The following ARAP2 variants were observed in gnomAD, a reference collection of about 807,000 sequenced individuals.
The protein encoded by ARAP2 is ArfGAP with RhoGAP domain, ankyrin repeat and PH domain 2.
Under a neutral mutation model 194.5 loss-of-function variants are expected in ARAP2, and 148 were observed. The observed-to-expected ratio is 0.76, with a 90% confidence interval of 0.67 to 0.87. The LOEUF is 0.87. ARAP2 is among the 40% of genes least tolerant of loss of function. The pLI, the probability that ARAP2 is intolerant of heterozygous loss-of-function variation, is 0.00. For missense variants in ARAP2, 2,128 were observed against 1,989.7 expected (o/e 1.07, Z -1.32); for synonymous variants, 695 against 683.5 (o/e 1.02, Z -0.26).
At chr4:36,218,417 C>T (rs1748455854) in intron 2 of ARAP2, among the ~76,000 whole-genome samples, 1 of 151,972 alleles carries the variant, frequency 6.6e-6, no homozygotes, top group African/African-American at 2.4e-5. Context: ...CAACCCAGCA[C>T]ATGTACCCTA....
chr4:36,141,111 G>A (rs1440253740), intron 19 of ARAP2, among the ~76,000 whole-genome samples: 1 of 151,644 alleles, frequency 6.6e-6, no homozygotes, highest in Non-Finnish European at 1.5e-5. Context: ...CTCAAATTTT[G>A]AGAAAAAGAT....
intron 1 of ARAP2, among the ~76,000 whole-genome samples, chr4:36,233,810 T>C (rs1252649861): frequency 2.6e-5 from 4 of 152,240 alleles, no homozygotes; most frequent in African/African-American, 9.6e-5. Flanking sequence ...ACTATAGTCA[T>C]TCTGTCCCCA....
intron 26 of ARAP2, among the ~76,000 whole-genome samples, 166 bp from the exon 27 acceptor site, chr4:36,107,859 A>C (rs1718832143): frequency 6.6e-6 from 1 of 152,008 alleles, no homozygotes; most frequent in Non-Finnish European, 1.5e-5. Context: ...GACTATGTAA[A>C]AGATATCCTA....
At chr4:36,235,542 C>T (rs1752275113) in intron 1 of ARAP2, among the ~76,000 whole-genome samples, 2 of 152,226 alleles carry the variant, frequency 1.3e-5, no homozygotes, top group African/African-American at 4.8e-5. Flanking sequence ...CTCACCATCC[C>T]TTATCCTTGC....
intron 9 of ARAP2, among the ~76,000 whole-genome samples, chr4:36,173,235 G>A (rs932997219): frequency 9.2e-5 from 14 of 152,058 alleles, no homozygotes; most frequent in African/African-American, 1.4e-4. Flanking sequence ...GGAAACCAAC[G>A]CCAATTGTCT....
At chr4:36,027,842 T>G (rs924657070) in intron 5 of ARAP2, among the ~76,000 whole-genome samples, 1 of 152,020 alleles carries the variant, frequency 6.6e-6, no homozygotes, top group African/African-American at 2.4e-5. Flanking sequence ...TGATTAAGAG[T>G]TTCAAGATGG....
rs553046515 is a variant in ARAP2, at chr4:36,155,792, C to T, written c.2752+2938G>A. On this transcript the variant is annotated intron_variant, in intron 15 of 32. Transcript: ENST00000303965. Reference sequence around the variant, plus strand: ...ATTCTCCTAAAAAGGTCTTTTAGGTCACAATAAAAAATAAGGTTATATTCT... The same window carrying T: ...ATTCTCCTAAAAAGGTCTTTTAGGTTACAATAAAAAATAAGGTTATATTCT... Among the ~76,000 whole-genome samples, 9 of 151,622 alleles carry T rather than the reference C, an allele frequency of 5.9e-5. No homozygotes were observed. In the South Asian group the frequency reaches 6.3e-4, roughly 11 times the overall value.
chr4:36,147,941 C>T (rs760086272), intron 17 of ARAP2, among the ~76,000 whole-genome samples, 195 bp from the exon 18 acceptor site: 10 of 152,216 alleles, frequency 6.6e-5, no homozygotes, highest in Non-Finnish European at 1.2e-4. Context: ...TTTCAAATGG[C>T]AGCATCTTAA....
rs879760470 is a variant in ARAP2, at chr4:36,014,289, GA to G, written n.1056+1096del. 9.4e-4 allele frequency among the ~76,000 whole-genome samples: 125 copies of G among 132,942 alleles called. 3 individuals are homozygous for G. Among genetic ancestry groups the G allele is most frequent in the African/African-American group, 3.1e-3 (112 of 36,282 alleles). The allele number at this position is 132,942 out of a possible 152,430, so 87.2% of individuals were successfully genotyped here. On this transcript the variant is annotated intron_variant and non_coding_transcript_variant, in intron 8 of 12. Coordinates refer to the ARAP2 transcript ENST00000503225. ...AGAAAGAAAGAAAGAAAGAAAGAAA[GA>G]AAGAAAGAAGAGAAGGAAGGAAAGA...
At chr4:36,020,819 A>G (rs1716803452) in intron 5 of ARAP2, among the ~76,000 whole-genome samples, 1 of 152,338 alleles carries the variant, frequency 6.6e-6, no homozygotes, top group South Asian at 2.1e-4. Flanking sequence ...ATGAAGATCA[A>G]TAAGTGGCTG....
rs373488557 is a variant in ARAP2 at position 36,226,091 on chromosome 4, C to T, written c.905+2491G>A. Reference sequence around the variant, plus strand: ...TCTGAGCACCACAAAAGCAATGCTGCTATTAACTACCATAATCAAAGAAAA... The same window carrying T: ...TCTGAGCACCACAAAAGCAATGCTGTTATTAACTACCATAATCAAAGAAAA... On this transcript the variant is annotated intron_variant, in intron 2 of 32. Transcript: ENST00000303965. 3.2e-4 allele frequency among the ~76,000 whole-genome samples: 49 copies of T among 151,978 alleles called. No individual in the cohort carries two copies. The East Asian group carries it at 5.2e-3, about 16-fold the overall frequency.
chr4:36,216,700 T>C (rs1429350198), intron 2 of ARAP2, among the ~76,000 whole-genome samples: 1 of 151,928 alleles, frequency 6.6e-6, no homozygotes, highest in East Asian at 1.9e-4. Context: ...TAGTGGTGTA[T>C]GGATCCAAGA....
rs768020858 is a variant in ARAP2 at position 36,147,676 on chromosome 4, T to C, written c.3071A>G (p.Lys1024Arg). Residue 1024 changes from lysine to arginine, a missense_variant, in exon 18 of 33, where the codon AAA becomes AGA. Physicochemically the swap from Lys to Arg is conservative, Grantham distance 26 (BLOSUM62 2). Transcript: ENST00000303965. ...CCACTGATCCAGGGCATGGCAGTCT[T>C]TGTAGAAGAGTTGACCAATCAAATC... ...DYDLIGQLFY[K>R]DCHALDQWRK... is the part of the protein sequence containing the mutation. 2.5e-6 allele frequency: 4 copies of C among 1,613,174 alleles called. No homozygotes were observed. The African/African-American group carries it at 5.3e-5, about 22-fold the overall frequency.
chr4:36,173,655 A>T (rs1209256422), intron 9 of ARAP2, among the ~76,000 whole-genome samples: 1 of 152,162 alleles, frequency 6.6e-6, no homozygotes, highest in Non-Finnish European at 1.5e-5. Context: ...ATGAAGAGAC[A>T]ATTTGAGAAA....
intron 28 of ARAP2, among the ~76,000 whole-genome samples, 162 bp downstream of exon 28, chr4:36,091,719 G>T (rs1425493836): frequency 1.3e-5 from 2 of 152,128 alleles, no homozygotes; most frequent in African/African-American, 4.8e-5. Flanking sequence ...GTGTTACTGA[G>T]TGCATTAATA....
chr4:36,174,052 C>T (rs1271503418), intron 9 of ARAP2, among the ~76,000 whole-genome samples: 1 of 152,188 alleles, frequency 6.6e-6, no homozygotes, highest in Non-Finnish European at 1.5e-5. Context: ...GTTACCCCTT[C>T]AGGAAGGCCC....
chr4:36,015,140 T>C (rs1560266902), intron 8 of ARAP2, among the ~76,000 whole-genome samples: 1 of 152,232 alleles, frequency 6.6e-6, no homozygotes, highest in African/African-American at 2.4e-5. Context: ...TTCCCTCTTA[T>C]TTAAGAAACT....
intron 5 of ARAP2, among the ~76,000 whole-genome samples, chr4:36,031,367 C>G (rs573909523): frequency 8.9e-4 from 135 of 152,262 alleles, no homozygotes; most frequent in Non-Finnish European, 1.4e-3. Context: ...TTGTAGCAAT[C>G]GAATGCCTTC....
chr4:36,159,098 G>C (rs977910342), intron 14 of ARAP2, among the ~76,000 whole-genome samples: 2 of 152,118 alleles, frequency 1.3e-5, no homozygotes, highest in African/African-American at 4.8e-5. Flanking sequence ...GATTATGTGG[G>C]ATTAGCTATT....
Sources: allele counts gnomAD v4.1 joint callset (sites outside exome capture counted in the v4.1 genomes callset), GRCh38; gene constraint gnomAD v4.1.1; transcripts MANE v1.5; gene names NCBI Gene and HGNC (gene_info 2026-07-23, HGNC 2026-07-21).